RAD50: variants seen among roughly 807,000 people sequenced by gnomAD.
The protein encoded by RAD50 is RAD50 double strand break repair protein.
A neutral mutation model predicts 168.8 loss-of-function variants in RAD50; 132 were observed. That is an observed-to-expected ratio of 0.78 (90% CI 0.68 to 0.90). RAD50 has a LOEUF of 0.90. Ranked by LOEUF, RAD50 falls within the 40% of genes least tolerant of loss-of-function variation. The pLI is 0.00. For missense variants in RAD50, 1,347 were observed against 1,534.4 expected (o/e 0.88, Z 2.04); for synonymous variants, 525 against 497.4 (o/e 1.06, Z -0.74).
rs113206956 is a variant in RAD50 at position 132,560,077 on chromosome 5, CAT to C, written c.213+720_213+721del. 6.4e-3 allele frequency among the ~76,000 whole-genome samples: 892 copies of C among 139,456 alleles called. 6 individuals are homozygous for C. Among genetic ancestry groups the C allele is most frequent in the African/African-American group, 0.025 (786 of 31,084 alleles). 91.5% of individuals were successfully genotyped at this position (139,456 alleles called of 152,430 possible). A position where few individuals can be genotyped will look rare whatever the true frequency, so the allele number is the denominator to read the frequency against. On this transcript the variant is annotated intron_variant, in intron 2 of 24. Transcript: ENST00000378823. ...ACACACACACACACACACACACACA[CAT>C]ATATATATAGTTTATTCGTTTTTAG...
chr5:132,586,787 C>T (rs1477594974), intron 5 of RAD50, among the ~76,000 whole-genome samples: 1 of 151,998 alleles, frequency 6.6e-6, no homozygotes. Flanking sequence ...ACACTTGAGC[C>T]CAGGAGTTCA....
At chr5:132,565,708 T>G (rs1205847204) in intron 2 of RAD50, among the ~76,000 whole-genome samples, 1 of 152,182 alleles carries the variant, frequency 6.6e-6, no homozygotes, top group East Asian at 1.9e-4. Context: ...CTCTATGATC[T>G]GACTTCCCCC....
chr5:132,618,805 G>A (rs1198663832), intron 21 of RAD50, among the ~76,000 whole-genome samples: 3 of 152,220 alleles, frequency 2.0e-5, no homozygotes, highest in East Asian at 1.9e-4. Flanking sequence ...TAATATCTAC[G>A]AGTATTCATG....
At chr5:132,570,271 G>C (rs974142964) in intron 2 of RAD50, among the ~76,000 whole-genome samples, 1 of 152,062 alleles carries the variant, frequency 6.6e-6, no homozygotes, top group Non-Finnish European at 1.5e-5. Context: ...CAAGAAAATG[G>C]GGGGGGAAAT....
chr5:132,639,380 C>CATGCAT (rs1186710410), intron 23 of RAD50, among the ~76,000 whole-genome samples: 1 of 151,098 alleles, frequency 6.6e-6, no homozygotes, highest in Non-Finnish European at 1.5e-5. Context: ...AAGAACATGC[C>CATGCAT]ATGCATATAT....
chr5:132,637,512 C>CT (rs11420290), intron 22 of RAD50, among the ~76,000 whole-genome samples: 32,112 of 147,304 alleles, frequency 0.22, 3,521 homozygotes, highest in Middle Eastern at 0.26. Flanking sequence ...AGAGGAAACT[C>CT]TTTTTTTTTT....
At chr5:132,584,887 T>C (rs936467233) in intron 5 of RAD50, among the ~76,000 whole-genome samples, 2 of 136,322 alleles carry the variant, frequency 1.5e-5, no homozygotes, top group Middle Eastern at 4.3e-3. Context: ...TAGGTGGGAA[T>C]TGAACAATGA....
intron 19 of RAD50, among the ~76,000 whole-genome samples, chr5:132,615,276 G>C (rs1011107530): frequency 6.6e-6 from 1 of 152,126 alleles, no homozygotes; most frequent in African/African-American, 2.4e-5. Flanking sequence ...AAGTGTTATT[G>C]AGTCTCTTTT....
intron 19 of RAD50, among the ~76,000 whole-genome samples, chr5:132,611,038 G>T (rs1751074013): frequency 6.6e-6 from 1 of 152,222 alleles, no homozygotes; most frequent in Non-Finnish European, 1.5e-5. Context: ...AACCAGGAGA[G>T]AAGTGTATAA....
intron 21 of RAD50, among the ~76,000 whole-genome samples, chr5:132,632,432 A>C (rs1751493008): frequency 6.6e-6 from 1 of 152,246 alleles, no homozygotes; most frequent in Non-Finnish European, 1.5e-5. Flanking sequence ...ACACCCAAAT[A>C]CATCTTTTTT....
chr5:132,583,215 C>G (rs142214122), intron 5 of RAD50, among the ~76,000 whole-genome samples: 4 of 152,006 alleles, frequency 2.6e-5, no homozygotes, highest in Admixed American at 2.6e-4. Context: ...AACACTAACC[C>G]GAGTGCTTTA....
intron 2 of RAD50, among the ~76,000 whole-genome samples, chr5:132,569,749 A>G (rs1240488257): frequency 6.6e-6 from 1 of 152,242 alleles, no homozygotes; most frequent in Non-Finnish European, 1.5e-5. Flanking sequence ...ACAAGTGTCA[A>G]TAAATTTATA....
chr5:132,611,297 A>G (rs571127239), intron 19 of RAD50, among the ~76,000 whole-genome samples: 1 of 152,274 alleles, frequency 6.6e-6, no homozygotes, highest in Non-Finnish European at 1.5e-5. Flanking sequence ...AGGCTGAGGC[A>G]GGAGAATCGC....
intron 1 of RAD50, 41 bp from the exon 2 acceptor site, chr5:132,559,243 G>A (rs1323760301): frequency 6.5e-7 from 1 of 1,547,226 alleles, no homozygotes; most frequent in African/African-American, 1.4e-5. Flanking sequence ...AACTTCTGTG[G>A]TTCTCTTATA....
chr5:132,585,130 T>C (rs922287894), intron 5 of RAD50, among the ~76,000 whole-genome samples: 2 of 152,198 alleles, frequency 1.3e-5, no homozygotes, highest in Non-Finnish European at 2.9e-5. Context: ...GGCTTTGGGT[T>C]GTTACAGATA....
intron 24 of RAD50, among the ~76,000 whole-genome samples, 185 bp downstream of exon 24, chr5:132,640,990 C>T (rs745861969): frequency 8.5e-5 from 13 of 152,150 alleles, no homozygotes; most frequent in Non-Finnish European, 1.6e-4. Flanking sequence ...TTCTTCAGAT[C>T]CCTCCTAAAG....
Position 132,642,354 on chromosome 5 carries a change from A to G in RAD50, c.3929A>G (p.Asn1310Ser), listed in dbSNP as rs753468016. 3.3e-5 allele frequency: 54 copies of G among 1,613,226 alleles called. No individual in the cohort carries two copies. Among genetic ancestry groups the G allele is most frequent in the Admixed American group, 5.0e-5 (3 of 59,976 alleles). The change falls in exon 25 of 25, where the codon AAT becomes AGT. Residue 1310 changes from asparagine to serine, a missense_variant. Asn to Ser is a conservative substitution (Grantham distance 46). Around this residue, in one of 3 missense-constraint regions of RAD50, gnomAD observed 635 missense variants for 739.2 expected, o/e 0.86. Coordinates refer to ENST00000378823, the MANE Select transcript of RAD50 (RefSeq NM_005732.4). The stretch of plus-strand genomic sequence containing the variant: ...TGCAGTGTTAGCTCCCTGGGATTCA[A>G]TGTTCATTAAAAATATCCAAGATTT... ...VKCSVSSLGFNVH is the reference protein window; with the variant it reads ...VKCSVSSLGFSVH
chr5:132,573,031 C>A (rs1045399716), intron 2 of RAD50, among the ~76,000 whole-genome samples: 1 of 152,126 alleles, frequency 6.6e-6, no homozygotes, highest in Non-Finnish European at 1.5e-5. Context: ...GAACAACTGG[C>A]AAAACTTGAA....
At chr5:132,592,153 T>G in intron 11 of RAD50, 119 bp downstream of exon 11, 1 of 1,104,926 alleles carries the variant, frequency 9.1e-7, no homozygotes, top group Non-Finnish European at 1.3e-6. Flanking sequence ...CTTTAGTTCT[T>G]ACATACAAGG....
Sources: allele counts gnomAD v4.1 joint callset (sites outside exome capture counted in the v4.1 genomes callset), GRCh38; gene constraint gnomAD v4.1.1; regional missense constraint gnomAD v4.1.1; transcripts MANE v1.5; gene names NCBI Gene and HGNC (gene_info 2026-07-23, HGNC 2026-07-21).